The following BCL7C variants were observed in gnomAD, a reference collection of about 807,000 sequenced individuals.
BCL7C encodes BAF chromatin remodeling complex subunit BCL7C, also known as B-cell CLL/lymphoma 7 protein family member C.
A neutral mutation model predicts 26.2 loss-of-function variants in BCL7C; 8 were observed. The ratio of observed to expected loss-of-function variants is 0.30; its 90% CI spans 0.18 to 0.55. BCL7C has a LOEUF of 0.55. BCL7C is among the 20% of genes least tolerant of loss of function. BCL7C has a pLI of 0.93. For missense variants in BCL7C, 262 were observed against 298.5 expected (o/e 0.88, Z 0.90); for synonymous variants, 90 against 116.5 (o/e 0.77, Z 1.47).
intron 4 of BCL7C, among the ~76,000 whole-genome samples, chr16:30,890,293 G>T (rs1019401535): frequency 1.3e-5 from 2 of 152,124 alleles, no homozygotes; most frequent in Non-Finnish European, 2.9e-5. Flanking sequence ...TACTCAGGAG[G>T]CTGAGGCAGG....
downstream of BCL7C, among the ~76,000 whole-genome samples, chr16:30,884,589 CG>C (rs1028701270): frequency 6.6e-6 from 1 of 151,302 alleles, no homozygotes; most frequent in African/African-American, 2.4e-5. Flanking sequence ...CTCCTCCTCC[CG>C]GGTTCAAGAG....
intron 5 of BCL7C, among the ~76,000 whole-genome samples, chr16:30,871,189 G>A (rs746347103): frequency 6.6e-6 from 1 of 152,150 alleles, no homozygotes; most frequent in East Asian, 1.9e-4. Context: ...TTCCCAAGTA[G>A]CTAGAAACTG....
At chr16:30,838,508 C>T (rs887697037) in intron 5 of BCL7C, among the ~76,000 whole-genome samples, 3 of 152,134 alleles carry the variant, frequency 2.0e-5, no homozygotes, top group Non-Finnish European at 4.4e-5. Flanking sequence ...TTAGGCCAGG[C>T]GCAGTGGCCC....
In BCL7C at chr16:30,834,721, T is replaced by G; in HGVS notation, c.*227A>C. Reference sequence around the variant, plus strand: ...TAGCAAGGCGGCCTCAGGCACTGGATGTGGTCCGAGTTCTGCCCTAAGCCC... The same window carrying G: ...TAGCAAGGCGGCCTCAGGCACTGGAGGTGGTCCGAGTTCTGCCCTAAGCCC... On this transcript the variant is annotated 3_prime_UTR_variant, in exon 6 of 6. Coordinates refer to the BCL7C transcript ENST00000380317. This position sits in a 1 kb window ranked among gnomAD's most constrained non-coding sequence, Gnocchi z 4.3. 1 of 436,898 alleles carries G rather than the reference T, an allele frequency of 2.3e-6. No individual in the cohort carries two copies. The highest frequency in any genetic ancestry group is 4.1e-6 in the Non-Finnish European group (1 of 246,198). 27.1% of individuals were successfully genotyped at this position (436,898 alleles called of 1,614,324 possible). A position where few individuals can be genotyped will look rare whatever the true frequency, so the allele number is the denominator to read the frequency against.
At chr16:30,874,876 C>G (rs1374287696) in intron 5 of BCL7C, among the ~76,000 whole-genome samples, 1 of 152,238 alleles carries the variant, frequency 6.6e-6, no homozygotes, top group Admixed American at 6.5e-5. Context: ...GCGCGCCTGA[C>G]ACGGTCAGCT....
intron 5 of BCL7C, among the ~76,000 whole-genome samples, chr16:30,882,086 G>A (rs1451856880): frequency 5.3e-5 from 8 of 151,524 alleles, no homozygotes; most frequent in Admixed American, 1.3e-4. Context: ...TCAGCCTCCC[G>A]AGTAGCTGGG....
chr16:30,853,695 TG>T (rs2054696402), intron 5 of BCL7C, among the ~76,000 whole-genome samples: 1 of 152,206 alleles, frequency 6.6e-6, no homozygotes, highest in Admixed American at 6.5e-5. Flanking sequence ...AACCCTTCAC[TG>T]TGAATTTTCT....
intron 5 of BCL7C, among the ~76,000 whole-genome samples, chr16:30,867,448 G>T (rs941756033): frequency 1.3e-4 from 20 of 152,152 alleles, no homozygotes; most frequent in Non-Finnish European, 2.5e-4. Flanking sequence ...TTTTGCAGGT[G>T]TGATTAAGGA....
chr16:30,877,873 G>A (rs547547148), intron 5 of BCL7C, among the ~76,000 whole-genome samples: 29 of 152,128 alleles, frequency 1.9e-4, no homozygotes, highest in African/African-American at 7.0e-4. Context: ...TGAGGAGCTT[G>A]TAAAAATCCC....
intron 5 of BCL7C, among the ~76,000 whole-genome samples, chr16:30,879,993 A>G (rs1357108045): frequency 6.6e-6 from 1 of 151,866 alleles, no homozygotes; most frequent in Non-Finnish European, 1.5e-5. Flanking sequence ...CCGTCTCAAA[A>G]AAAAAAAAAT....
At chr16:30,888,624 C>T (rs1330622081) in intron 5 of BCL7C, 1 of 362,564 alleles carries the variant, frequency 2.8e-6, no homozygotes, top group Non-Finnish European at 5.0e-6. Context: ...CGTGAGCCAC[C>T]ACGCCCAGCT....
At chr16:30,846,209 T>TTTA in intron 5 of BCL7C, among the ~76,000 whole-genome samples, 1 of 146,306 alleles carries the variant, frequency 6.8e-6, no homozygotes, top group Admixed American at 6.8e-5. Context: ...AATTTATTTA[T>TTTA]TTATTTATTT....
chr16:30,873,347 A>G (rs918515084), intron 5 of BCL7C, among the ~76,000 whole-genome samples: 3 of 152,204 alleles, frequency 2.0e-5, no homozygotes, highest in Non-Finnish European at 4.4e-5. Context: ...GTAGATTTGC[A>G]GTAGTCTAGA....
intron 5 of BCL7C, among the ~76,000 whole-genome samples, chr16:30,836,113 C>T (rs1288939999): frequency 6.6e-6 from 1 of 152,060 alleles, no homozygotes; most frequent in African/African-American, 2.4e-5. Flanking sequence ...ATTAGCTGGG[C>T]ATGGTGGTGT....
At chr16:30,871,405 A>G (rs1041347794) in intron 5 of BCL7C, among the ~76,000 whole-genome samples, 1 of 152,204 alleles carries the variant, frequency 6.6e-6, no homozygotes, top group African/African-American at 2.4e-5. Flanking sequence ...GGAAATAATA[A>G]GAGTACTTAC....
At chr16:30,874,307 A>G (rs371743054) in intron 5 of BCL7C, among the ~76,000 whole-genome samples, 11 of 152,062 alleles carry the variant, frequency 7.2e-5, no homozygotes, top group African/African-American at 2.7e-4. Flanking sequence ...AAATTCAATT[A>G]TTAAACTCCT....
At chr16:30,846,122 AAAG>A (rs1567308491) in intron 5 of BCL7C, among the ~76,000 whole-genome samples, 1 of 149,222 alleles carries the variant, frequency 6.7e-6, no homozygotes, top group Admixed American at 6.7e-5. Context: ...AAAAAAAAAA[AAAG>A]AAAGATCCTT....
chr16:30,867,751 C>T (rs913510579), intron 5 of BCL7C, among the ~76,000 whole-genome samples: 1 of 152,040 alleles, frequency 6.6e-6, no homozygotes, highest in Admixed American at 6.5e-5. Flanking sequence ...CAAGATCGCG[C>T]CACTGCACTC....
intron 5 of BCL7C, among the ~76,000 whole-genome samples, chr16:30,849,827 T>A (rs1009621245): frequency 1.3e-5 from 2 of 151,198 alleles, no homozygotes; most frequent in African/African-American, 4.9e-5. Flanking sequence ...CGATCGCAGC[T>A]CACTGCAGCC....
Sources: allele counts gnomAD v4.1 joint callset (sites outside exome capture counted in the v4.1 genomes callset), GRCh38; gene constraint gnomAD v4.1.1; non-coding constraint Gnocchi (gnomAD v3.1); transcripts MANE v1.5; gene names NCBI Gene and HGNC (gene_info 2026-07-23, HGNC 2026-07-21).